AHCYL2: variants seen among roughly 807,000 people sequenced by gnomAD.
AHCYL2 encodes the protein S-adenosylhomocysteine hydrolase-like protein 2.
Under a neutral mutation model 81.4 loss-of-function variants are expected in AHCYL2, and 28 were observed. That is an observed-to-expected ratio of 0.34 (90% confidence interval 0.25 to 0.47). AHCYL2 has a LOEUF of 0.47. Among genes scored for constraint, AHCYL2 ranks in the 20% least tolerant of loss-of-function variants. AHCYL2 has a pLI of 1.00. For missense variants in AHCYL2, 551 were observed against 785.1 expected, an observed-to-expected ratio of 0.70 and a Z score of 3.56; for synonymous variants, 272 against 290.2, an observed-to-expected ratio of 0.94 and a Z score of 0.64.
chr7:129,257,803 G>A (rs550935994), intron 1 of AHCYL2, among the ~76,000 whole-genome samples: 1 of 152,130 alleles, frequency 6.6e-6, no homozygotes, highest in Non-Finnish European at 1.5e-5. Flanking sequence ...TGTGCACATG[G>A]CAGCCTAAGG....
intron 1 of AHCYL2, among the ~76,000 whole-genome samples, chr7:129,345,321 GACAA>G (rs1409198644): frequency 6.6e-6 from 1 of 152,096 alleles, no homozygotes; most frequent in Non-Finnish European, 1.5e-5. Flanking sequence ...AAGTTGAGGG[GACAA>G]ACATACAGTA....
At chr7:129,301,312 G>T (rs567354469) in intron 1 of AHCYL2, among the ~76,000 whole-genome samples, 1 of 152,256 alleles carries the variant, frequency 6.6e-6, no homozygotes, top group South Asian at 2.1e-4. Context: ...TCTGTGGGTT[G>T]TGTCTTCACT....
At chr7:129,381,325 G>A (rs1794944782) in intron 2 of AHCYL2, among the ~76,000 whole-genome samples, 2 of 151,998 alleles carry the variant, frequency 1.3e-5, no homozygotes, top group Admixed American at 1.3e-4. Context: ...TAGGCAGGGA[G>A]GGTACTTTAA....
intron 4 of AHCYL2, among the ~76,000 whole-genome samples, chr7:129,395,630 C>T (rs1281040010): frequency 6.6e-6 from 1 of 152,154 alleles, no homozygotes; most frequent in African/African-American, 2.4e-5. Context: ...TAATGGCAGG[C>T]CCAATTCCTG....
intron 1 of AHCYL2, among the ~76,000 whole-genome samples, chr7:129,303,161 C>T (rs539549545): frequency 3.6e-4 from 55 of 152,146 alleles, no homozygotes; most frequent in African/African-American, 5.3e-4. Context: ...CCACCACACC[C>T]GGTTAATTTT....
chr7:129,252,839 G>C (rs1366624319), intron 1 of AHCYL2, among the ~76,000 whole-genome samples: 1 of 152,130 alleles, frequency 6.6e-6, no homozygotes, highest in Non-Finnish European at 1.5e-5. Flanking sequence ...TAGATAAATA[G>C]ATAGCAGAGA....
At chr7:129,425,854 A>G (rs1486626573) in intron 15 of AHCYL2, among the ~76,000 whole-genome samples, 1 of 152,266 alleles carries the variant, frequency 6.6e-6, no homozygotes, top group Non-Finnish European at 1.5e-5. Context: ...AGCACAGTCC[A>G]TATTCTGACA....
chr7:129,236,613 AAC>A (rs200535559), intron 1 of AHCYL2, among the ~76,000 whole-genome samples: 507 of 152,298 alleles, frequency 3.3e-3, no homozygotes, highest in African/African-American at 0.012. Context: ...AGAGGCATAA[AAC>A]ACAGTGCTTG....
At chr7:129,225,484 G>A in intron 1 of AHCYL2, 45 bp downstream of exon 1, 2 of 1,461,420 alleles carry the variant, frequency 1.4e-6, no homozygotes, top group Admixed American at 2.6e-5. Flanking sequence ...GGGAGGGGAG[G>A]GGAACTGCAG....
chr7:129,267,524 C>G (rs867492378), intron 1 of AHCYL2, among the ~76,000 whole-genome samples: 2 of 151,968 alleles, frequency 1.3e-5, no homozygotes, highest in African/African-American at 2.4e-5. Context: ...AAGCTGGTCT[C>G]GAACTCCTGA....
At chr7:129,303,896 G>A (rs1394567514) in intron 1 of AHCYL2, among the ~76,000 whole-genome samples, 2 of 151,806 alleles carry the variant, frequency 1.3e-5, no homozygotes, top group Non-Finnish European at 2.9e-5. Flanking sequence ...ACCAGCCTAG[G>A]CAACATGGTG....
In AHCYL2 at chr7:129,225,105, C is replaced by A; in HGVS notation, c.29C>A (p.Ala10Asp). The A allele has an allele frequency of 6.3e-7, 1 of 1,598,786 alleles. No individual in the cohort carries two copies. The highest frequency in any genetic ancestry group is 1.7e-5 in the Admixed American group (1 of 58,348). The change falls in exon 1 of 17, where the codon GCT becomes GAT. Residue 10 changes from alanine to aspartate, a missense_variant. Transcript: ENST00000325006. ...TCGGTGCAGGTTGTGTCAGCCGCGG[C>A]TGCCGCCAAGGTGCCTGAGGTGGAG... MSVQVVSAA[A>D]AAKVPEVELK... is the part of the protein sequence containing the mutation.
intron 1 of AHCYL2, among the ~76,000 whole-genome samples, chr7:129,294,562 C>T (rs887223763): frequency 6.6e-6 from 1 of 152,296 alleles, no homozygotes; most frequent in South Asian, 2.1e-4. Context: ...AAGTCACACA[C>T]CTTAAGTGGC....
At chr7:129,272,490 A>G (rs1300931880) in intron 1 of AHCYL2, among the ~76,000 whole-genome samples, 1 of 152,208 alleles carries the variant, frequency 6.6e-6, no homozygotes, top group Non-Finnish European at 1.5e-5. Context: ...GCCAAAACCT[A>G]CAATTTGCAT....
At chr7:129,333,829 A>T (rs1798504345) in intron 1 of AHCYL2, among the ~76,000 whole-genome samples, 1 of 152,236 alleles carries the variant, frequency 6.6e-6, no homozygotes, top group Admixed American at 6.5e-5. Flanking sequence ...TGTAAGGTTG[A>T]TAGTGAACTT....
chr7:129,381,212 C>A (rs542152788), intron 2 of AHCYL2, among the ~76,000 whole-genome samples: 1 of 152,074 alleles, frequency 6.6e-6, no homozygotes, highest in Non-Finnish European at 1.5e-5. Flanking sequence ...ATAATAATAT[C>A]AAATTTTAAC....
chr7:129,303,681 A>G (rs953736443), intron 1 of AHCYL2, among the ~76,000 whole-genome samples: 1 of 151,972 alleles, frequency 6.6e-6, no homozygotes, highest in Non-Finnish European at 1.5e-5. Flanking sequence ...TTTATTTTCT[A>G]CTAACTTTGG....
intron 12 of AHCYL2, among the ~76,000 whole-genome samples, chr7:129,417,901 A>G (rs1449813385): frequency 3.3e-5 from 5 of 152,194 alleles, no homozygotes; most frequent in African/African-American, 1.2e-4. Flanking sequence ...ATAGATTGTT[A>G]TTGTTAGTGT....
chr7:129,234,468 C>T (rs1227222171), intron 1 of AHCYL2, among the ~76,000 whole-genome samples: 1 of 152,132 alleles, frequency 6.6e-6, no homozygotes, highest in African/African-American at 2.4e-5. Context: ...TGGTCTGGAA[C>T]TCCTGACCTT....
Sources: allele counts gnomAD v4.1 joint callset (sites outside exome capture counted in the v4.1 genomes callset), GRCh38; gene constraint gnomAD v4.1.1; transcripts MANE v1.5; gene names NCBI Gene and HGNC (gene_info 2026-07-23, HGNC 2026-07-21).